OLAH: variants seen among roughly 807,000 people sequenced by gnomAD.
OLAH encodes the protein oleoyl-ACP hydrolase, also known as S-acyl fatty acid synthase thioesterase, medium chain.
OLAH carries 33 observed loss-of-function variants against 27.8 expected under a neutral mutation model. The ratio of observed to expected loss-of-function variants is 1.19; its 90% CI spans 0.90 to 1.59. The LOEUF (loss-of-function observed/expected upper bound fraction) is 1.59. Among genes scored for constraint, OLAH ranks in the 40% most tolerant of loss-of-function variants. The probability of loss-of-function intolerance (pLI) is 0.00; values close to 1 mark genes in which losing one functional copy is unlikely to be tolerated. For synonymous variants in OLAH, 120 were observed against 102.9 expected (o/e 1.17, Z -1.01); for missense variants, 359 against 310.8 (o/e 1.16, Z -1.17).
chr10:15,052,319 G>A (rs1844160056), intron 3 of OLAH, among the ~76,000 whole-genome samples: 1 of 152,100 alleles, frequency 6.6e-6, no homozygotes, highest in Non-Finnish European at 1.5e-5. Context: ...TGCTGGCTTT[G>A]ACCCATGGGT....
At chr10:15,065,301 A>T (rs1274000807) in intron 5 of OLAH, among the ~76,000 whole-genome samples, 1 of 151,878 alleles carries the variant, frequency 6.6e-6, no homozygotes, top group Non-Finnish European at 1.5e-5. Context: ...TCTTCCTCCT[A>T]CCTCTTTGGT....
At chr10:15,042,194 C>T (rs917769624), upstream of OLAH, among the ~76,000 whole-genome samples, 1 of 151,976 alleles carries the variant, frequency 6.6e-6, no homozygotes, top group Non-Finnish European at 1.5e-5. Context: ...TCTTTTTGCC[C>T]AGGCTGGAGT....
At chr10:15,072,738 G>A (rs749805290) in intron 7 of OLAH, among the ~76,000 whole-genome samples, 3 of 151,724 alleles carry the variant, frequency 2.0e-5, no homozygotes, top group Non-Finnish European at 2.9e-5. Context: ...AGGTTATCTC[G>A]AGGCCGTCAT....
chr10:15,035,433 G>A (rs561026837), intron 1 of OLAH, among the ~76,000 whole-genome samples: 17 of 152,152 alleles, frequency 1.1e-4, no homozygotes, highest in African/African-American at 3.9e-4. Context: ...CTTGACTCAT[G>A]GGGGAAGGGG....
chr10:15,058,621 G>A (rs545028600), intron 3 of OLAH, among the ~76,000 whole-genome samples: 6 of 151,932 alleles, frequency 3.9e-5, no homozygotes, highest in African/African-American at 1.2e-4. Context: ...CTGAGTTTGT[G>A]GGGGGGAAAA....
At chr10:15,053,546 C>T (rs1339366302) in intron 3 of OLAH, among the ~76,000 whole-genome samples, 2 of 152,156 alleles carry the variant, frequency 1.3e-5, no homozygotes, top group African/African-American at 2.4e-5. Flanking sequence ...ATGCAGAGAG[C>T]CCACCCCAAG....
chr10:15,044,596 A>C (rs1318443220), intron 1 of OLAH, among the ~76,000 whole-genome samples: 1 of 151,956 alleles, frequency 6.6e-6, no homozygotes, highest in Non-Finnish European at 1.5e-5. Context: ...TTTCTGCTCA[A>C]AGTATATCCT....
At chr10:15,058,196 C>A (rs900656317) in intron 3 of OLAH, among the ~76,000 whole-genome samples, 1 of 152,040 alleles carries the variant, frequency 6.6e-6, no homozygotes, top group Non-Finnish European at 1.5e-5. Context: ...TTGTTTCTGG[C>A]CTGCTTCAGC....
upstream of OLAH, among the ~76,000 whole-genome samples, chr10:15,043,125 G>C (rs1843951766): frequency 1.3e-5 from 2 of 152,010 alleles, no homozygotes; most frequent in Admixed American, 6.6e-5. Context: ...CTCCCAAAGT[G>C]CTGGGATTAC....
At chr10:15,051,795 G>A (rs149995877) in intron 3 of OLAH, among the ~76,000 whole-genome samples, 1 of 152,094 alleles carries the variant, frequency 6.6e-6, no homozygotes, top group Non-Finnish European at 1.5e-5. Flanking sequence ...GTATTCTTTG[G>A]ATGAAGTTTG....
Position 15,073,091 on chromosome 10 carries a change from G to C in OLAH, c.660G>C (p.Trp220Cys), listed in dbSNP as rs755833759. Residue 220 changes from tryptophan (W) to cysteine (C), a missense_variant, in exon 8 of 8, where the codon TGG becomes TGC. By Grantham distance (215) the Trp-to-Cys change is radical. Coordinates refer to ENST00000378228, the MANE Select transcript of OLAH (RefSeq NM_001039702.3). The stretch of plus-strand genomic sequence containing the variant: ...TACAATCTTGTTTATTTTCAGCCTG[G>C]AAAGATGTAACCAGTGGAAATGCTA... ...SEDIAKDMEA[W>C]KDVTSGNAKI... 1.9e-6 allele frequency: 3 copies of C among 1,612,104 alleles called. No homozygotes were observed. In the South Asian group the frequency reaches 3.3e-5, roughly 18 times the overall value.
intron 6 of OLAH, among the ~76,000 whole-genome samples, chr10:15,066,462 T>A (rs902381745): frequency 4.7e-4 from 72 of 152,162 alleles, no homozygotes; most frequent in African/African-American, 1.7e-3. Flanking sequence ...TTTTGTACAT[T>A]TTGTTCCAGA....
At chr10:15,053,796 C>G (rs1296307744) in intron 3 of OLAH, among the ~76,000 whole-genome samples, 1 of 151,958 alleles carries the variant, frequency 6.6e-6, no homozygotes, top group Non-Finnish European at 1.5e-5. Context: ...CTCACTGCAG[C>G]CTCAACCTCC....
At chr10:15,038,567 A>T (rs888767351) in intron 1 of OLAH, 1 of 152,092 alleles carries the variant, frequency 6.6e-6, no homozygotes, top group African/African-American at 2.4e-5. Flanking sequence ...GACAGTTTTA[A>T]AAACGGGAGT....
intron 3 of OLAH, among the ~76,000 whole-genome samples, chr10:15,057,218 T>C (rs1401154521): frequency 2.6e-5 from 4 of 152,136 alleles, no homozygotes; most frequent in Non-Finnish European, 4.4e-5. Context: ...TATTTTGTCA[T>C]ATTTGAGCCT....
At chr10:15,047,382 T>C in intron 2 of OLAH, 62 bp downstream of exon 2, 2 of 1,503,280 alleles carry the variant, frequency 1.3e-6, no homozygotes, top group South Asian at 1.2e-5. Flanking sequence ...TACCCTGCCT[T>C]TGTACGGCTC....
At chr10:15,062,741 C>CCT (rs1176643557) in intron 4 of OLAH, among the ~76,000 whole-genome samples, 1 of 140,152 alleles carries the variant, frequency 7.1e-6, no homozygotes, top group African/African-American at 2.6e-5. Flanking sequence ...AGTGAACATT[C>CCT]TTTTTTTTTT....
chr10:15,052,666 GTC>G (rs3036128), intron 3 of OLAH, among the ~76,000 whole-genome samples: 68,168 of 150,926 alleles, frequency 0.45, 15,635 homozygotes, highest in East Asian at 0.75. Flanking sequence ...TTATCAAAGA[GTC>G]TGATATCATC....
chr10:15,043,849 C>T (rs1197434719), upstream of OLAH: 1 of 152,160 alleles, frequency 6.6e-6, no homozygotes. Flanking sequence ...CCATGTCATT[C>T]TTCCTGCTTT....
Sources: allele counts gnomAD v4.1 joint callset (sites outside exome capture counted in the v4.1 genomes callset), GRCh38; gene constraint gnomAD v4.1.1; transcripts MANE v1.5; gene names NCBI Gene and HGNC (gene_info 2026-07-23, HGNC 2026-07-21).